Variants in GRIK2 observed in about 807,000 individuals in gnomAD.
GRIK2 encodes the protein glutamate ionotropic receptor kainate type subunit 2.
Under a neutral mutation model 100.3 loss-of-function variants are expected in GRIK2, and 32 were observed. The observed-to-expected ratio is 0.32, with a 90% CI of 0.24 to 0.43. The LOEUF is 0.43. GRIK2 is among the 20% of genes least tolerant of loss of function. The pLI is 1.00. For synonymous variants in GRIK2, 417 were observed against 389.4 expected, an observed-to-expected ratio of 1.07 and a Z score of -0.83; for missense variants, 843 against 1,114.9, an observed-to-expected ratio of 0.76 and a Z score of 3.47.
chr6:101,521,090 A>G (rs1269485274), intron 2 of GRIK2, among the ~76,000 whole-genome samples: 2 of 152,120 alleles, frequency 1.3e-5, no homozygotes, highest in Admixed American at 6.6e-5. Flanking sequence ...AGTTTTCAAA[A>G]ATTAGAACTT....
At chr6:101,780,561 A>G (rs979880654) in intron 7 of GRIK2, among the ~76,000 whole-genome samples, 29 of 152,188 alleles carry the variant, frequency 1.9e-4, no homozygotes, top group African/African-American at 6.5e-4. Flanking sequence ...TAAGGACTCA[A>G]TATAACTTGA....
chr6:102,004,652 T>C (rs1795119036), intron 14 of GRIK2, among the ~76,000 whole-genome samples: 1 of 151,972 alleles, frequency 6.6e-6, no homozygotes, highest in Non-Finnish European at 1.5e-5. Context: ...TATATACCTG[T>C]TGCTCATCCT....
intron 2 of GRIK2, among the ~76,000 whole-genome samples, chr6:101,403,195 T>A (rs1366525265): frequency 1.3e-5 from 2 of 152,208 alleles, no homozygotes; most frequent in Non-Finnish European, 2.9e-5. Flanking sequence ...TCAAAATCTT[T>A]ATCTGAACTG....
intron 5 of GRIK2, among the ~76,000 whole-genome samples, chr6:101,678,449 A>G (rs542133090): frequency 1.3e-5 from 2 of 152,298 alleles, no homozygotes; most frequent in East Asian, 3.9e-4. Context: ...GTAAAATGAG[A>G]ATATGAAAGT....
intron 14 of GRIK2, among the ~76,000 whole-genome samples, chr6:101,994,372 G>T (rs1172738314): frequency 6.6e-6 from 1 of 151,654 alleles, no homozygotes; most frequent in African/African-American, 2.4e-5. Context: ...CAAATGAAAT[G>T]ATAAATCTTT....
At chr6:101,838,468 C>T (rs1783281979) in intron 10 of GRIK2, among the ~76,000 whole-genome samples, 1 of 151,988 alleles carries the variant, frequency 6.6e-6, no homozygotes, top group African/African-American at 2.4e-5. Flanking sequence ...ATGTGTAAGC[C>T]AAGTTGACCA....
At chr6:102,035,313 G>A (rs117663092) in intron 14 of GRIK2, 28 bp from the exon 15 acceptor site, 21,410 of 1,350,592 alleles carry the variant, frequency 0.016, 232 homozygotes, top group Middle Eastern at 0.03. Flanking sequence ...TAACTTTCTC[G>A]TGACCAACTT....
At chr6:102,013,198 T>G (rs1466641886) in intron 14 of GRIK2, among the ~76,000 whole-genome samples, 1 of 152,160 alleles carries the variant, frequency 6.6e-6, no homozygotes, top group Non-Finnish European at 1.5e-5. Flanking sequence ...TTGTGGCAGT[T>G]GTGAATGGGA....
intron 2 of GRIK2, among the ~76,000 whole-genome samples, chr6:101,493,469 T>G (rs1773251485): frequency 1.3e-5 from 2 of 152,100 alleles, no homozygotes; most frequent in African/African-American, 4.8e-5. Context: ...TTCAGATTTC[T>G]TAGAGACAAT....
intron 3 of GRIK2, among the ~76,000 whole-genome samples, chr6:101,625,139 C>G (rs530038993): frequency 1.1e-4 from 17 of 151,836 alleles, no homozygotes; most frequent in Non-Finnish European, 2.1e-4. Flanking sequence ...TTTGGGAGGC[C>G]GAGGCGGGTG....
chr6:101,788,973 T>A (rs546877615), intron 7 of GRIK2, among the ~76,000 whole-genome samples: 5,129 of 152,190 alleles, frequency 0.034, 208 homozygotes, highest in African/African-American at 0.095. Flanking sequence ...GATGATGAGC[T>A]TTTTTTCATG....
chr6:101,748,832 T>C (rs1156493604), intron 7 of GRIK2, among the ~76,000 whole-genome samples: 1 of 152,130 alleles, frequency 6.6e-6, no homozygotes, highest in Non-Finnish European at 1.5e-5. Flanking sequence ...TATATACATA[T>C]ATTAAACATT....
chr6:101,910,035 A>G (rs928873405), intron 12 of GRIK2, among the ~76,000 whole-genome samples: 6 of 151,192 alleles, frequency 4.0e-5, no homozygotes, highest in Admixed American at 2.0e-4. Context: ...AAAATAATGT[A>G]TTATTAAAAC....
At chr6:101,752,131 C>T (rs1302394174) in intron 7 of GRIK2, among the ~76,000 whole-genome samples, 1 of 152,094 alleles carries the variant, frequency 6.6e-6, no homozygotes, top group Non-Finnish European at 1.5e-5. Flanking sequence ...TCTTACAACA[C>T]CTTATATGTT....
intron 10 of GRIK2, among the ~76,000 whole-genome samples, chr6:101,840,606 G>A (rs1783429080): frequency 6.6e-6 from 1 of 152,116 alleles, no homozygotes; most frequent in Admixed American, 6.5e-5. Context: ...TAACAGATGA[G>A]TCCTTGGTTT....
chr6:101,587,835 G>A (rs1396698035), intron 2 of GRIK2, among the ~76,000 whole-genome samples: 2 of 152,010 alleles, frequency 1.3e-5, no homozygotes, highest in African/African-American at 4.8e-5. Flanking sequence ...GACTGCAGAG[G>A]TTTCTATGCA....
chr6:102,001,439 G>T (rs1427281754), intron 14 of GRIK2, among the ~76,000 whole-genome samples: 1 of 149,994 alleles, frequency 6.7e-6, no homozygotes, highest in Non-Finnish European at 1.5e-5. Context: ...TCCCGCTTAT[G>T]AATGAGAACA....
chr6:101,842,394 T>C (rs777165389), intron 10 of GRIK2, among the ~76,000 whole-genome samples: 2 of 152,178 alleles, frequency 1.3e-5, no homozygotes, highest in Non-Finnish European at 2.9e-5. Flanking sequence ...TTTAACTGAC[T>C]GACTTGGGAC....
chr6:101,832,077 T>A (rs1360101949), intron 10 of GRIK2, among the ~76,000 whole-genome samples: 1 of 152,048 alleles, frequency 6.6e-6, no homozygotes, highest in East Asian at 1.9e-4. Flanking sequence ...TCTCATCAGG[T>A]TAAAAATACA....
Sources: allele counts gnomAD v4.1 joint callset (sites outside exome capture counted in the v4.1 genomes callset), GRCh38; gene constraint gnomAD v4.1.1; transcripts MANE v1.5; gene names NCBI Gene and HGNC (gene_info 2026-07-23, HGNC 2026-07-21).